Variants in BCAS3 observed in about 807,000 individuals in gnomAD.
BCAS3 encodes BCAS4/BCAS3 fusion.
In BCAS3, 53 loss-of-function variants were observed where a neutral mutation model predicts 116.1. The ratio of observed to expected loss-of-function variants is 0.46; its 90% confidence interval spans 0.37 to 0.57. The LOEUF is 0.57. BCAS3 is among the 20% of genes least tolerant of loss of function. The probability of loss-of-function intolerance (pLI) is 0.00; values close to 1 mark genes in which losing one functional copy is unlikely to be tolerated. For missense variants in BCAS3, 917 were observed against 1,165.4 expected (o/e 0.79, Z 3.10); for synonymous variants, 391 against 408.2 (o/e 0.96, Z 0.51).
intron 9 of BCAS3, among the ~76,000 whole-genome samples, chr17:60,881,605 C>A (rs1190483047): frequency 1.6e-5 from 2 of 127,588 alleles, no homozygotes; most frequent in Non-Finnish European, 3.2e-5. Context: ...CCCACCCCAC[C>A]ACAGTCCCCA....
At chr17:60,806,356 G>A (rs2048288079) in intron 6 of BCAS3, among the ~76,000 whole-genome samples, 2 of 151,958 alleles carry the variant, frequency 1.3e-5, no homozygotes, top group Admixed American at 6.6e-5. Flanking sequence ...TTCACTTGGG[G>A]GCTTCCTTTC....
At chr17:60,822,542 C>T (rs2050053446) in intron 7 of BCAS3, among the ~76,000 whole-genome samples, 1 of 152,116 alleles carries the variant, frequency 6.6e-6, no homozygotes, top group Admixed American at 6.5e-5. Flanking sequence ...AGTTTTTGCA[C>T]AAAACACAGT....
rs887307170 is a variant in BCAS3 at position 60,889,865 on chromosome 17, T to C, written c.738+94T>C. The C allele has an allele frequency of 7.0e-6, 8 of 1,146,512 alleles. No homozygotes were observed. In the African/African-American group the frequency reaches 9.2e-5, roughly 13 times the overall value. 71.0% of individuals were successfully genotyped at this position (1,146,512 alleles called of 1,614,324 possible). ...CCTGTGCTCCATAGTTGATTACCAA[T>C]AATAAATGTTTTACTTACTAGTTCA... On this transcript the variant is annotated intron_variant, in intron 10 of 23. Transcript: ENST00000407086.
intron 22 of BCAS3, among the ~76,000 whole-genome samples, chr17:61,225,960 G>A (rs919823649): frequency 2.6e-5 from 4 of 152,152 alleles, no homozygotes; most frequent in South Asian, 2.1e-4. Context: ...ACTGTTTTCC[G>A]CTACAGAATA....
In BCAS3 at chr17:61,122,329, C is replaced by G. The variant is rs918608499; in HGVS notation, c.2425+37765C>G. On this transcript the variant is annotated intron_variant, in intron 22 of 23. Coordinates refer to ENST00000407086, the MANE Select transcript of BCAS3 (RefSeq NM_017679.5). This position sits in a 1 kb window ranked among gnomAD's most constrained non-coding sequence, Gnocchi z 4.6. ...GGAGGCCTTCTGAAAATCTGTCTCA[C>G]ATTCACTCAGGCTGCCCTTGGTTTT... Among the ~76,000 whole-genome samples the G allele has an allele frequency of 1.3e-5, 2 of 152,206 alleles. No individual in the cohort carries two copies. The highest frequency in any genetic ancestry group is 2.9e-5 in the Non-Finnish European group (2 of 68,028).
intron 19 of BCAS3, among the ~76,000 whole-genome samples, chr17:61,045,946 T>TATATATA (rs2068123863): frequency 7.4e-5 from 1 of 13,562 alleles, no homozygotes; most frequent in African/African-American, 8.3e-4. Context: ...ATATATATTA[T>TATATATA]ATATATAAAT....
At chr17:60,790,063 G>T (rs1001987834) in intron 6 of BCAS3, among the ~76,000 whole-genome samples, 3 of 151,866 alleles carry the variant, frequency 2.0e-5, no homozygotes, top group African/African-American at 7.3e-5. Context: ...TAAATGTGTT[G>T]GGAGTTATTG....
rs2076873806 is a variant in BCAS3, at chr17:61,140,735, T to C, written c.2425+56171T>C. On this transcript the variant is annotated intron_variant, in intron 22 of 23. Coordinates refer to ENST00000407086, the MANE Select transcript of BCAS3 (RefSeq NM_017679.5). The surrounding 1 kb of genome is among the most constrained non-coding windows in gnomAD (Gnocchi z 4.2). ...TTGTGATTTTTTAAGTTAATAAATA[T>C]ATATTTACATAGTTTATAGTTGTTA... is the stretch of plus-strand genomic sequence containing the variant. Among the ~76,000 whole-genome samples the C allele has an allele frequency of 6.6e-6, 1 of 152,184 alleles. No homozygotes were observed. Among genetic ancestry groups the C allele is most frequent in the African/African-American group, 2.4e-5 (1 of 41,450 alleles).
intron 8 of BCAS3, among the ~76,000 whole-genome samples, chr17:60,872,289 A>G (rs1005926029): frequency 2.0e-5 from 3 of 151,872 alleles, no homozygotes; most frequent in African/African-American, 7.3e-5. Context: ...TAATATGTGC[A>G]TGTGTATGTG....
intron 13 of BCAS3, among the ~76,000 whole-genome samples, chr17:60,935,957 G>T (rs1319132016): frequency 2.0e-5 from 3 of 151,654 alleles, no homozygotes; most frequent in African/African-American, 7.3e-5. Flanking sequence ...GCTGCACCCA[G>T]TAACTCGTCA....
intron 22 of BCAS3, among the ~76,000 whole-genome samples, chr17:61,115,618 C>T (rs377229460): frequency 1.2e-4 from 17 of 138,636 alleles, no homozygotes; most frequent in African/African-American, 3.5e-4. Context: ...TGTGGAGAAA[C>T]AGGAACACTT....
At chr17:61,373,803 TC>T (rs1289964364) in intron 23 of BCAS3, among the ~76,000 whole-genome samples, 9 of 133,426 alleles carry the variant, frequency 6.7e-5, no homozygotes, top group South Asian at 2.6e-4. Flanking sequence ...TTCTTCTTCT[TC>T]TTTGTTTTTT....
rs35909318 is a variant in BCAS3 at position 61,329,343 on chromosome 17, A to ATT, written c.2426-38970_2426-38969dup. Among the ~76,000 whole-genome samples the ATT allele has an allele frequency of 1.3e-3, 177 of 131,282 alleles. 2 individuals carry two copies. The East Asian group carries it at 0.015, about 11-fold the overall frequency. 86.1% of individuals were successfully genotyped at this position (131,282 alleles called of 152,430 possible). A position where few individuals can be genotyped will look rare whatever the true frequency, so the allele number is the denominator to read the frequency against. ...AGGCCATGTTATTATTATTATTATT[A>ATT]TTTTTTTTTTTTTTTGAGACGGAGT... On this transcript the variant is annotated intron_variant, in intron 22 of 23. Coordinates refer to ENST00000407086, the MANE Select transcript of BCAS3 (RefSeq NM_017679.5).
At chr17:61,054,482 T>C (rs1416191166) in intron 19 of BCAS3, among the ~76,000 whole-genome samples, 1 of 152,194 alleles carries the variant, frequency 6.6e-6, no homozygotes, top group Non-Finnish European at 1.5e-5. Flanking sequence ...TTCTCGTGCC[T>C]CAGCCTCCTA....
chr17:61,237,565 C>G (rs2083164703), intron 22 of BCAS3, among the ~76,000 whole-genome samples: 2 of 152,200 alleles, frequency 1.3e-5, no homozygotes, highest in South Asian at 2.1e-4. Context: ...CCTTTAAGAG[C>G]TGTAACACTC....
At chr17:60,713,277 A>T (rs924145499) in intron 5 of BCAS3, among the ~76,000 whole-genome samples, 4 of 152,190 alleles carry the variant, frequency 2.6e-5, no homozygotes, top group Non-Finnish European at 4.4e-5. Context: ...TTTGTAAAAG[A>T]TTAGTATGTA....
chr17:61,035,603 G>T (rs1303453185), intron 17 of BCAS3, among the ~76,000 whole-genome samples: 4 of 128,494 alleles, frequency 3.1e-5, no homozygotes, highest in African/African-American at 1.0e-4. Flanking sequence ...AAAAAAAAAA[G>T]AGGAAACAGC....
Position 60,791,896 on chromosome 17 carries a change from G to A in BCAS3, c.404-16108G>A, listed in dbSNP as rs574742057. On this transcript the variant is annotated intron_variant, in intron 6 of 23. Coordinates refer to ENST00000407086, the MANE Select transcript of BCAS3 (RefSeq NM_017679.5). ...TCCCAGCACTTTGGGGGGCTGAGGC[G>A]GGCAGATCACGAGGTTAGGAGTTCA... Among the ~76,000 whole-genome samples the A allele has an allele frequency of 2.5e-3, 381 of 152,166 alleles. 1 individual carries two copies. The highest frequency in any genetic ancestry group is 4.3e-3 in the Non-Finnish European group (293 of 67,990).
intron 22 of BCAS3, among the ~76,000 whole-genome samples, chr17:61,293,856 G>A (rs1337989590): frequency 6.6e-6 from 1 of 152,212 alleles, no homozygotes; most frequent in Non-Finnish European, 1.5e-5. Flanking sequence ...TGCCTTCCAG[G>A]TTCAAGCGAT....
Sources: allele counts gnomAD v4.1 joint callset (sites outside exome capture counted in the v4.1 genomes callset), GRCh38; gene constraint gnomAD v4.1.1; non-coding constraint Gnocchi (gnomAD v3.1); transcripts MANE v1.5; gene names NCBI Gene and HGNC (gene_info 2026-07-23, HGNC 2026-07-21).